The following LPGAT1 variants were observed in gnomAD, a reference collection of about 807,000 sequenced individuals.
LPGAT1 encodes the protein acyl-CoA:lysophosphatidylglycerol acyltransferase 1.
LPGAT1 carries 11 observed loss-of-function variants against 47.5 expected under a neutral mutation model. The ratio of observed to expected loss-of-function variants is 0.23; its 90% confidence interval spans 0.15 to 0.38. The LOEUF (loss-of-function observed/expected upper bound fraction) is 0.38, where lower values mean the gene tolerates loss of function less well. Among genes scored for constraint, LPGAT1 ranks in the 10% least tolerant of loss-of-function variants. The probability of loss-of-function intolerance (pLI) is 1.00; values close to 1 mark genes in which losing one functional copy is unlikely to be tolerated. For missense variants in LPGAT1, 293 were observed against 439.0 expected (o/e 0.67, Z 2.97); for synonymous variants, 138 against 144.2 (o/e 0.96, Z 0.31).
intron 3 of LPGAT1, among the ~76,000 whole-genome samples, chr1:211,789,103 T>C (rs1659006067): frequency 6.6e-6 from 1 of 152,208 alleles, no homozygotes; most frequent in Non-Finnish European, 1.5e-5. Context: ...TCAATTAATA[T>C]AGAGTAAGAT....
At chr1:211,777,494 A>G (rs1025418303) in intron 6 of LPGAT1, among the ~76,000 whole-genome samples, 4 of 152,106 alleles carry the variant, frequency 2.6e-5, no homozygotes, top group African/African-American at 9.7e-5. Flanking sequence ...AGGCCTTATC[A>G]TGAAGCCTAT....
At chr1:211,811,993 G>A (rs548550412) in intron 2 of LPGAT1, among the ~76,000 whole-genome samples, 8 of 152,334 alleles carry the variant, frequency 5.3e-5, no homozygotes, top group Non-Finnish European at 1.0e-4. Context: ...CTCACATTGT[G>A]CACATTACCT....
intron 2 of LPGAT1, among the ~76,000 whole-genome samples, chr1:211,821,086 T>C (rs1660356320): frequency 6.6e-6 from 1 of 152,104 alleles, no homozygotes; most frequent in African/African-American, 2.4e-5. Flanking sequence ...CAAAACTCCA[T>C]CTCTACTAAA....
chr1:211,765,233 C>A (rs934606117), intron 6 of LPGAT1, among the ~76,000 whole-genome samples: 1 of 152,146 alleles, frequency 6.6e-6, no homozygotes, highest in Admixed American at 6.5e-5. Context: ...TATAAAAATT[C>A]TCATATGCTT....
At chr1:211,828,418 T>G (rs1053829426) in intron 2 of LPGAT1, among the ~76,000 whole-genome samples, 3 of 152,144 alleles carry the variant, frequency 2.0e-5, no homozygotes, top group African/African-American at 7.2e-5. Context: ...TACTCTTGCT[T>G]CCCCAAATGC....
chr1:211,817,346 T>C (rs951796542), intron 2 of LPGAT1, among the ~76,000 whole-genome samples: 1 of 152,094 alleles, frequency 6.6e-6, no homozygotes, highest in Non-Finnish European at 1.5e-5. Context: ...CAGAGGCAGG[T>C]GGATCACCTA....
rs774983775 is a variant in LPGAT1 at position 211,747,952 on chromosome 1, G to A, written c.*1947C>T. The A allele has an allele frequency of 7.2e-5, 11 of 152,688 alleles. No homozygotes were observed. The highest frequency in any genetic ancestry group is 3.4e-3 in the Middle Eastern group (1 of 294). The allele number at this position is 152,688 out of a possible 1,614,324, so 9.5% of individuals were successfully genotyped here. On this transcript the variant is annotated 3_prime_UTR_variant, in exon 8 of 8. Coordinates refer to ENST00000366997, the MANE Select transcript of LPGAT1 (RefSeq NM_014873.3). ...CAGTAGTAGTATAATATTCAATGAG[G>A]TATTTCAGTTAATGCATCATTCTCT...
chr1:211,773,512 C>T (rs1360160895), intron 6 of LPGAT1, among the ~76,000 whole-genome samples: 1 of 152,154 alleles, frequency 6.6e-6, no homozygotes, highest in Non-Finnish European at 1.5e-5. Flanking sequence ...TTTTAGTAAT[C>T]TATCTATGCC....
chr1:211,821,620 G>A (rs895261213), intron 2 of LPGAT1, among the ~76,000 whole-genome samples: 2 of 152,162 alleles, frequency 1.3e-5, no homozygotes, highest in Non-Finnish European at 2.9e-5. Flanking sequence ...TCAAGTAGTA[G>A]AAGCATAAGC....
rs1223032238 is a variant in LPGAT1 at position 211,830,695 on chromosome 1, C to CGGCCCGCGCCCGTTCCCCGGCGGCGCCGA, written c.-179_-151dup. 19 of 1,186,728 alleles carry CGGCCCGCGCCCGTTCCCCGGCGGCGCCGA rather than the reference C, an allele frequency of 1.6e-5. No individual in the cohort carries two copies. Among genetic ancestry groups the CGGCCCGCGCCCGTTCCCCGGCGGCGCCGA allele is most frequent in the Non-Finnish European group, 2.0e-5 (19 of 961,384 alleles). The allele number at this position is 1,186,728 out of a possible 1,614,324, so 73.5% of individuals were successfully genotyped here. A position where few individuals can be genotyped will look rare whatever the true frequency, so the allele number is the denominator to read the frequency against. On this transcript the variant is annotated 5_prime_UTR_variant, in exon 1 of 8. Transcript: ENST00000366997. The surrounding 1 kb of genome is among the most constrained non-coding windows in gnomAD (Gnocchi z 5.9). ...GCCCTGCCCCGCTCCGGCTGTGGCG[C>CGGCCCGCGCCCGTTCCCCGGCGGCGCCGA]GGCCCGCGCCCGTTCCCCGGCGGCG...
chr1:211,812,705 G>A (rs1398427303), intron 2 of LPGAT1, among the ~76,000 whole-genome samples: 1 of 152,162 alleles, frequency 6.6e-6, no homozygotes, highest in African/African-American at 2.4e-5. Flanking sequence ...TAAATCCAAC[G>A]ACTCGAGTCC....
chr1:211,804,831 G>C (rs938859441), intron 2 of LPGAT1, among the ~76,000 whole-genome samples: 1 of 152,088 alleles, frequency 6.6e-6, no homozygotes, highest in African/African-American at 2.4e-5. Flanking sequence ...CTAAAATAAA[G>C]AGTAAAAATA....
In LPGAT1 at chr1:211,773,124, A is replaced by G. The variant is rs1298615649; in HGVS notation, c.854+5794T>C. On this transcript the variant is annotated intron_variant, in intron 6 of 7. Coordinates refer to ENST00000366997, the MANE Select transcript of LPGAT1 (RefSeq NM_014873.3). ...TAGATCACAGAGTATGTGCATTTTC[A>G]CCTTAATAAGTATAGTCAATTAGTT... 2.0e-5 allele frequency among the ~76,000 whole-genome samples: 3 copies of G among 152,172 alleles called. No individual in the cohort carries two copies. In the East Asian group the frequency reaches 5.8e-4, roughly 29 times the overall value.
chr1:211,763,198 A>C (rs1173653645), intron 6 of LPGAT1, among the ~76,000 whole-genome samples: 9 of 152,236 alleles, frequency 5.9e-5, no homozygotes, highest in Admixed American at 5.9e-4. Flanking sequence ...CTCAAGTTCA[A>C]ACTTAATCTC....
intron 6 of LPGAT1, among the ~76,000 whole-genome samples, chr1:211,773,482 C>T (rs182900634): frequency 2.9e-4 from 44 of 152,310 alleles, no homozygotes; most frequent in Non-Finnish European, 4.6e-4. Context: ...TCAAGTTACA[C>T]ATGAAAACAA....
At chr1:211,828,011 C>T (rs12145721) in intron 2 of LPGAT1, among the ~76,000 whole-genome samples, 13,316 of 152,212 alleles carry the variant, frequency 0.087, 672 homozygotes, top group Admixed American at 0.15. Flanking sequence ...CCTTCTCTTG[C>T]GTGTGTGGAT....
rs1657008734 is a variant in LPGAT1, at chr1:211,747,925, A to G, written c.*1974T>C. ...ACATTAACACTGTCTTCTGCATTTT[A>G]CCAGTAGTAGTATAATATTCAATGA... On this transcript the variant is annotated 3_prime_UTR_variant, in exon 8 of 8. Transcript: ENST00000366997. The G allele has an allele frequency of 6.6e-6, 1 of 152,638 alleles. No individual in the cohort carries two copies. The highest frequency in any genetic ancestry group is 1.5e-5 in the Non-Finnish European group (1 of 68,030). The allele number at this position is 152,638 out of a possible 1,614,324, so 9.5% of individuals were successfully genotyped here.
At chr1:211,786,312 A>G (rs1658876611) in intron 4 of LPGAT1, among the ~76,000 whole-genome samples, 1 of 152,250 alleles carries the variant, frequency 6.6e-6, no homozygotes, top group Non-Finnish European at 1.5e-5. Context: ...TCTCTACTCA[A>G]TTCCAGCTTA....
chr1:211,818,440 C>G (rs1212470558), intron 2 of LPGAT1, among the ~76,000 whole-genome samples: 2 of 152,122 alleles, frequency 1.3e-5, no homozygotes, highest in Non-Finnish European at 2.9e-5. Flanking sequence ...TCAAGAATAG[C>G]TGGAAATGTG....
Sources: gnomAD v4.1 joint callset for allele counts (sites outside exome capture counted in the v4.1 genomes callset) on GRCh38, gnomAD v4.1.1 for gene constraint, Gnocchi (gnomAD v3.1) non-coding constraint, MANE v1.5 for transcripts, NCBI Gene and HGNC (gene_info 2026-07-23, HGNC 2026-07-21) for gene names.